CAST: variants seen among roughly 807,000 people sequenced by gnomAD.
CAST encodes the protein MIR583 host.
CAST carries 76 observed loss-of-function variants against 119.6 expected under a neutral mutation model. The observed-to-expected ratio is 0.64, with a 90% CI of 0.53 to 0.77. CAST has a LOEUF of 0.77. CAST is among the 30% of genes least tolerant of loss of function. CAST has a pLI of 0.00. For synonymous variants in CAST, 319 were observed against 331.6 expected (o/e 0.96, Z 0.41); for missense variants, 953 against 946.5 (o/e 1.01, Z -0.09).
the CAST span, among the ~76,000 whole-genome samples, chr5:96,375,964 A>T: frequency 6.8e-6 from 1 of 146,366 alleles, no homozygotes; most frequent in Non-Finnish European, 1.5e-5. Flanking sequence ...TATATCTCCT[A>T]TTAATTCTGT....
At chr5:96,187,150 G>C in the CAST span, among the ~76,000 whole-genome samples, 1 of 152,116 alleles carries the variant, frequency 6.6e-6, no homozygotes, top group Non-Finnish European at 1.5e-5. Flanking sequence ...GGTGCTTATA[G>C]TATTCTCTAA....
the CAST span, among the ~76,000 whole-genome samples, chr5:96,298,106 C>T: frequency 6.6e-6 from 1 of 152,102 alleles, no homozygotes; most frequent in Non-Finnish European, 1.5e-5. Flanking sequence ...GTGCGTGTAG[C>T]CTGATGACCC....
the CAST span, among the ~76,000 whole-genome samples, chr5:96,184,252 A>G: frequency 6.6e-6 from 1 of 152,124 alleles, no homozygotes; most frequent in Non-Finnish European, 1.5e-5. Context: ...GTCTTTCCTG[A>G]TATCTTCCTA....
chr5:95,974,027 A>ACC, the CAST span, among the ~76,000 whole-genome samples: 1 of 151,588 alleles, frequency 6.6e-6, no homozygotes, highest in African/African-American at 2.4e-5. Flanking sequence ...ACACACACAC[A>ACC]CACCCCCACT....
the CAST span, among the ~76,000 whole-genome samples, chr5:96,450,719 G>A: frequency 6.6e-6 from 1 of 152,058 alleles, no homozygotes; most frequent in Non-Finnish European, 1.5e-5. Context: ...ATTTTTTGTT[G>A]AGAAGTTCAT....
the CAST span, among the ~76,000 whole-genome samples, chr5:96,035,451 C>A: frequency 6.6e-6 from 1 of 151,810 alleles, no homozygotes; most frequent in Non-Finnish European, 1.5e-5. Context: ...ACTGTCTGAT[C>A]CCCAAAGCAA....
the CAST span, among the ~76,000 whole-genome samples, chr5:96,231,910 G>A: frequency 4.6e-5 from 7 of 151,980 alleles, no homozygotes; most frequent in Admixed American, 4.6e-4. Context: ...AATGAAAACT[G>A]GTTCATGATG....
chr5:96,141,538 T>A, the CAST span, among the ~76,000 whole-genome samples: 3 of 152,224 alleles, frequency 2.0e-5, no homozygotes, highest in Non-Finnish European at 4.4e-5. Flanking sequence ...GGGTGGGGTA[T>A]AACTGCTCTA....
intron 12 of CAST, 36 bp from the exon 13 acceptor site, chr5:96,740,709 A>G (rs780693114): frequency 2.0e-5 from 30 of 1,527,508 alleles, no homozygotes; most frequent in Non-Finnish European, 2.7e-5. Context: ...GATTAATTCT[A>G]CCTTCTCAAC....
the CAST span, among the ~76,000 whole-genome samples, chr5:96,415,108 A>T: frequency 6.7e-4 from 102 of 152,336 alleles, no homozygotes; most frequent in African/African-American, 2.4e-3. Flanking sequence ...TGAGGTTGGG[A>T]TAGCATAAAG....
chr5:96,551,191 G>A (rs1404261891), intron 1 of CAST, among the ~76,000 whole-genome samples: 3 of 152,216 alleles, frequency 2.0e-5, no homozygotes, highest in Admixed American at 6.5e-5. Flanking sequence ...CCCACAAAGG[G>A]AAGCCCATCA....
intron 29 of CAST, chr5:96,768,488 A>G: frequency 4.8e-6 from 2 of 416,556 alleles, no homozygotes; most frequent in Non-Finnish European, 9.3e-6. Context: ...AAACAGTATT[A>G]TTTTGTGGAT....
intron 3 of CAST, among the ~76,000 whole-genome samples, chr5:96,713,223 C>T (rs1231323190): frequency 6.6e-6 from 1 of 151,548 alleles, no homozygotes; most frequent in African/African-American, 2.4e-5. Context: ...CCTCTGCCTC[C>T]TGAGTTCAAG....
chr5:96,202,770 C>A, the CAST span, among the ~76,000 whole-genome samples: 1 of 151,968 alleles, frequency 6.6e-6, no homozygotes, highest in Admixed American at 6.6e-5. Context: ...AGATCTTTTT[C>A]CCTAATGATA....
At chr5:95,967,541 A>G in the CAST span, among the ~76,000 whole-genome samples, 30 of 152,314 alleles carry the variant, frequency 2.0e-4, no homozygotes, top group Admixed American at 1.8e-3. Context: ...GAGGGACCCA[A>G]TGGGAGGTAA....
the CAST span, among the ~76,000 whole-genome samples, chr5:96,445,584 A>C: frequency 6.6e-6 from 1 of 152,120 alleles, no homozygotes; most frequent in African/African-American, 2.4e-5. Flanking sequence ...AGATTTTAAA[A>C]AATCTTTTCT....
intron 1 of CAST, among the ~76,000 whole-genome samples, chr5:96,567,676 C>T (rs912263155): frequency 4.6e-5 from 7 of 152,140 alleles, no homozygotes; most frequent in African/African-American, 1.7e-4. Context: ...GCTTCCCGTT[C>T]TTTTCTTCTT....
chr5:96,361,115 G>A, the CAST span, among the ~76,000 whole-genome samples: 1 of 152,158 alleles, frequency 6.6e-6, no homozygotes, highest in African/African-American at 2.4e-5. Flanking sequence ...ATTCCTGGCA[G>A]CTTTGTTTAC....
At chr5:96,752,747 G>A (rs1765393967) in intron 20 of CAST, among the ~76,000 whole-genome samples, 1 of 151,642 alleles carries the variant, frequency 6.6e-6, no homozygotes, top group Non-Finnish European at 1.5e-5. Context: ...CAGAAATACA[G>A]TTTTACTCTA....
Sources: gnomAD v4.1 joint callset for allele counts (sites outside exome capture counted in the v4.1 genomes callset) on GRCh38, gnomAD v4.1.1 for gene constraint, MANE v1.5 for transcripts, NCBI Gene and HGNC (gene_info 2026-07-23, HGNC 2026-07-21) for gene names.